PKDREJ: variants seen among roughly 807,000 people sequenced by gnomAD.
PKDREJ encodes the protein polycystin family receptor for egg jelly.
For synonymous variants in PKDREJ, 1,031 were observed against 1,095.5 expected, an observed-to-expected ratio of 0.94 and a Z score of 1.16; for missense variants, 2,507 against 2,807.2, an observed-to-expected ratio of 0.89 and a Z score of 2.42.
chr22:46,262,813 G>A lies in PKDREJ; in HGVS notation c.510C>T (p.Gly170=). ...CCACGAAGCCCTGCTGGGGCCGCGG[G>A]CCTGGCGCGGCGGAGCGCGGGGAGA... ...ARVSPRSAAP[G]PRPQQGFVAR... is the part of the protein sequence containing the mutation. Residue 170 remains glycine (G), a synonymous_variant, in exon 1 of 1, where the codon GGC becomes GGT. Coordinates refer to ENST00000253255, the MANE Select transcript of PKDREJ (RefSeq NM_006071.2). The surrounding 1 kb of genome is among the most constrained non-coding windows in gnomAD (Gnocchi z 8.1). 7.9e-7 allele frequency: 1 copy of A among 1,272,870 alleles called. No individual in the cohort carries two copies. 78.8% of individuals were successfully genotyped at this position (1,272,870 alleles called of 1,614,324 possible).
At position 46,256,173 on chromosome 22, in the gene PKDREJ, A is replaced by G. The variant is rs1249530253; in HGVS notation, c.*388T>C. On this transcript the variant is annotated 3_prime_UTR_variant, in exon 1 of 1. Transcript: ENST00000253255. This position sits in a 1 kb window ranked among gnomAD's most constrained non-coding sequence, Gnocchi z 5.3. ...CTTCCAGCATGGGTCAAGCGCAGAA[A>G]CACCCAGACAATGCTCCACCCTGGC... 5.6e-6 allele frequency: 1 copy of G among 179,894 alleles called. No individual in the cohort carries two copies. The highest frequency in any genetic ancestry group is 2.4e-5 in the African/African-American group (1 of 41,888). 11.1% of individuals were successfully genotyped at this position (179,894 alleles called of 1,614,324 possible).
In PKDREJ at chr22:46,261,606, C is replaced by T; in HGVS notation, c.1717G>A (p.Gly573Arg). 1 of 1,613,900 alleles carries T rather than the reference C, an allele frequency of 6.2e-7. No individual in the cohort carries two copies. Reference protein sequence around the residue: ...IGECKINPAKGIALITKFVVQ... With the variant: ...IGECKINPAKRIALITKFVVQ... ...ACAAATTTAGTAATAAGTGCAATTC[C>T]TTTAGCTGGATTAATTTTGCATTCT... Residue 573 changes from glycine (G) to arginine (R), a missense_variant, in exon 1 of 1, where the codon GGA becomes AGA. Transcript: ENST00000253255. The surrounding 1 kb of genome is among the most constrained non-coding windows in gnomAD (Gnocchi z 7.1).
chr22:46,257,545 A>G lies in PKDREJ; in HGVS notation c.5778T>C (p.Asn1926=). ...ATATGACCGAAATGCTACAGAACAG[A>G]TTTATATCTGGATTAAAAGTTGTTA... is the stretch of plus-strand genomic sequence containing the variant. ...LELTTFNPDI[N]LFCSISVIFE... The change falls in exon 1 of 1, where the codon AAT becomes AAC. Residue 1926 remains asparagine (N), a synonymous_variant. Coordinates refer to ENST00000253255, the MANE Select transcript of PKDREJ (RefSeq NM_006071.2). The surrounding 1 kb of genome is among the most constrained non-coding windows in gnomAD (Gnocchi z 4.7). 6.2e-7 allele frequency: 1 copy of G among 1,614,156 alleles called. No individual in the cohort carries two copies. Among genetic ancestry groups the G allele is most frequent in the Non-Finnish European group, 8.5e-7 (1 of 1,180,020 alleles).
At position 46,261,138 on chromosome 22, in the gene PKDREJ, C is replaced by T. The variant is rs1936691807; in HGVS notation, c.2185G>A (p.Asp729Asn). 6.2e-7 allele frequency: 1 copy of T among 1,613,650 alleles called. No individual in the cohort carries two copies. Among genetic ancestry groups the T allele is most frequent in the Admixed American group, 1.7e-5 (1 of 60,000 alleles). Residue 729 changes from aspartate to asparagine, a missense_variant, in exon 1 of 1, where the codon GAC (aspartate) becomes AAC (asparagine). Physicochemically the swap from Asp to Asn is conservative, Grantham distance 23. Coordinates refer to ENST00000253255, the MANE Select transcript of PKDREJ (RefSeq NM_006071.2). The surrounding 1 kb of genome is among the most constrained non-coding windows in gnomAD (Gnocchi z 7.1). The stretch of plus-strand genomic sequence containing the variant: ...AGGTGTTTTCGGAGATTGACTCTGT[C>T]ATCTCGGAGAGGTAATTCAGTTTTC... ...NMKTELPLRD[D>N]RVNLRKHLID... is the part of the protein sequence containing the mutation.
rs150481409 is a variant in PKDREJ, at chr22:46,257,142, T to A, written c.6181A>T (p.Thr2061Ser). Residue 2061 changes from threonine to serine, a missense_variant, in exon 1 of 1, where the codon ACA (threonine) becomes TCA (serine). Coordinates refer to ENST00000253255, the MANE Select transcript of PKDREJ (RefSeq NM_006071.2). The surrounding 1 kb of genome is among the most constrained non-coding windows in gnomAD (Gnocchi z 4.7). The part of the protein sequence containing the change: ...RIILGFLLFL[T>S]ILKTLRYSRF... ...GAATACCTGAGGGTCTTCAAAATTG[T>A]CAGAAATAACAGGAAACCCAAAATT... is the stretch of plus-strand genomic sequence containing the variant. 1.0e-4 allele frequency: 164 copies of A among 1,613,844 alleles called. No individual in the cohort carries two copies. The African/African-American group carries it at 1.9e-3, about 19-fold the overall frequency.
chr22:46,259,013 G>A lies in PKDREJ; in HGVS notation c.4310C>T (p.Thr1437Ile). ...MMIGIESVLI[T>I]IPVQLLITFL... ...AGTTATTAATAATTGCACAGGGATT[G>A]TAATTAAGACACTTTCAATTCCTAT... Residue 1437 changes from threonine to isoleucine, a missense_variant, in exon 1 of 1, where the codon ACA (threonine) becomes ATA (isoleucine). By Grantham distance (89) the Thr-to-Ile change is moderately conservative. Coordinates refer to ENST00000253255, the MANE Select transcript of PKDREJ (RefSeq NM_006071.2). This position sits in a 1 kb window ranked among gnomAD's most constrained non-coding sequence, Gnocchi z 6.8. 3.1e-6 allele frequency: 5 copies of A among 1,614,032 alleles called. No homozygotes were observed. Among genetic ancestry groups the A allele is most frequent in the Non-Finnish European group, 3.4e-6 (4 of 1,179,962 alleles).
In PKDREJ at chr22:46,257,498, A is replaced by T; in HGVS notation, c.5825T>A (p.Val1942Asp). The change falls in exon 1 of 1, where the codon GTT becomes GAT. Residue 1942 changes from valine to aspartate, a missense_variant. Physicochemically the swap from Val to Asp is radical, Grantham distance 152. Coordinates refer to ENST00000253255, the MANE Select transcript of PKDREJ (RefSeq NM_006071.2). This position sits in a 1 kb window ranked among gnomAD's most constrained non-coding sequence, Gnocchi z 4.7. ...SVIFEVSQLGVVNTSISLHSF... is the reference protein window; with the variant it reads ...SVIFEVSQLGDVNTSISLHSF... Reference sequence around the variant, plus strand: ...GTGCAGAGATATGCTTGTGTTGACAACTCCTAACTGAGAGACTTCAAATAT... The same window carrying T: ...GTGCAGAGATATGCTTGTGTTGACATCTCCTAACTGAGAGACTTCAAATAT... 1.9e-6 allele frequency: 3 copies of T among 1,614,086 alleles called. No individual in the cohort carries two copies. Among genetic ancestry groups the T allele is most frequent in the East Asian group, 2.2e-5 (1 of 44,884 alleles).
chr22:46,256,875 G>T lies in PKDREJ; in HGVS notation c.6448C>A (p.Leu2150Met). The change falls in exon 1 of 1, where the codon CTG becomes ATG. Residue 2150 changes from leucine to methionine, a missense_variant. By Grantham distance (15) the Leu-to-Met change is conservative. Coordinates refer to ENST00000253255, the MANE Select transcript of PKDREJ (RefSeq NM_006071.2). The surrounding 1 kb of genome is among the most constrained non-coding windows in gnomAD (Gnocchi z 5.3). ...EFSNNRILGV[L>M]FLSSFMLVMI... ...ACCAGCATGAAAGATGAGAGGAACA[G>T]GACCCCCAGAATCCTGTTATTGGAA... is the stretch of plus-strand genomic sequence containing the variant. 6.2e-7 allele frequency: 1 copy of T among 1,614,060 alleles called. No homozygotes were observed. Among genetic ancestry groups the T allele is most frequent in the Non-Finnish European group, 8.5e-7 (1 of 1,180,038 alleles).
In PKDREJ at chr22:46,256,531, C is replaced by G. The variant is rs745332649; in HGVS notation, c.*30G>C. 4 of 1,585,748 alleles carry G rather than the reference C, an allele frequency of 2.5e-6. No homozygotes were observed. The African/African-American group carries it at 5.4e-5, about 21-fold the overall frequency. On this transcript the variant is annotated 3_prime_UTR_variant, in exon 1 of 1. Coordinates refer to ENST00000253255, the MANE Select transcript of PKDREJ (RefSeq NM_006071.2). This position sits in a 1 kb window ranked among gnomAD's most constrained non-coding sequence, Gnocchi z 5.3. ...CACAGACTCAGCAGTTGGGGGAACGCTTGCTTGTGACTCATGAAACCATCA... is the reference window on the plus strand; with the variant it reads ...CACAGACTCAGCAGTTGGGGGAACGGTTGCTTGTGACTCATGAAACCATCA...
rs751313996 is a variant in PKDREJ, at chr22:46,258,526, T to G, written c.4797A>C (p.Gly1599=). 4.3e-6 allele frequency: 7 copies of G among 1,614,062 alleles called. No individual in the cohort carries two copies. The Admixed American group carries it at 1.2e-4, about 27-fold the overall frequency. The change falls in exon 1 of 1, where the codon GGA becomes GGC. Residue 1599 remains glycine, a synonymous_variant. Transcript: ENST00000253255. The surrounding 1 kb of genome is among the most constrained non-coding windows in gnomAD (Gnocchi z 6.1). ...TTGACTTGTCATAGCCGTAAGTCAG[T>G]CCATAAAATACAATGAAGAATGAGG... ...SISSFFIVFY[G]LTYGYDKSIE...
Position 46,262,586 on chromosome 22 carries a change from T to A in PKDREJ, c.737A>T (p.Gln246Leu). The change falls in exon 1 of 1, where the codon CAG becomes CTG. Residue 246 changes from glutamine to leucine, a missense_variant. Physicochemically the swap from Gln to Leu is moderately radical, Grantham distance 113. Transcript: ENST00000253255. The surrounding 1 kb of genome is among the most constrained non-coding windows in gnomAD (Gnocchi z 8.1). Reference protein sequence around the residue: ...QAEATINASVQLDCPAARAIA... With the variant: ...QAEATINASVLLDCPAARAIA... ...GGCGCGCGCGGCCGGGCAGTCCAGC[T>A]GCACCGAGGCGTTGATGGTGGCCTC... The A allele has an allele frequency of 6.2e-7, 1 of 1,611,012 alleles. No individual in the cohort carries two copies. Among genetic ancestry groups the A allele is most frequent in the Non-Finnish European group, 8.5e-7 (1 of 1,178,884 alleles).
At position 46,260,271 on chromosome 22, in the gene PKDREJ, G is replaced by GA. The variant is rs1936681338; in HGVS notation, c.3051dup (p.Gln1018SerfsTer16). ...GCGACCAGCGCTGTGGGAGTGATCT[G>GA]ACTGCCTGTGTACACCAACACTGTG... is the stretch of plus-strand genomic sequence containing the variant. On this transcript the variant is annotated frameshift_variant, in exon 1 of 1. Coordinates refer to ENST00000253255, the MANE Select transcript of PKDREJ (RefSeq NM_006071.2). LOFTEE classifies it low-confidence loss of function (END_TRUNC). This position sits in a 1 kb window ranked among gnomAD's most constrained non-coding sequence, Gnocchi z 4.5. 1 of 1,614,122 alleles carries GA rather than the reference G, an allele frequency of 6.2e-7. No individual in the cohort carries two copies. The highest frequency in any genetic ancestry group is 1.3e-5 in the African/African-American group (1 of 75,036).
In PKDREJ at chr22:46,257,822, G is replaced by A. The variant is rs770989149; in HGVS notation, c.5501C>T (p.Thr1834Ile). The change falls in exon 1 of 1, where the codon ACA becomes ATA. Residue 1834 changes from threonine to isoleucine, a missense_variant. By Grantham distance (89) the Thr-to-Ile change is moderately conservative. Coordinates refer to ENST00000253255, the MANE Select transcript of PKDREJ (RefSeq NM_006071.2). This position sits in a 1 kb window ranked among gnomAD's most constrained non-coding sequence, Gnocchi z 4.7. ...HPKYGIDPED[T>I]KNYSGFWNEV... The stretch of plus-strand genomic sequence containing the variant: ...ATTCCAAAAGCCAGAATAGTTTTTT[G>A]TGTCTTCTGGGTCAATGCCATATTT... 1.2e-6 allele frequency: 2 copies of A among 1,614,066 alleles called. No individual in the cohort carries two copies. The highest frequency in any genetic ancestry group is 2.2e-5 in the East Asian group (1 of 44,886).
rs745909178 is a variant in PKDREJ at position 46,257,951 on chromosome 22, A to C, written c.5372T>G (p.Leu1791Arg). 6 of 1,614,136 alleles carry C rather than the reference A, an allele frequency of 3.7e-6. No individual in the cohort carries two copies. The South Asian group carries it at 5.5e-5, about 15-fold the overall frequency. ...LPESSSKILG[L>R]PLMRQVRAKS... ...TGCTCTCACTTGCCTCATCAATGGA[A>C]GGCCAAGGATTTTAGACGAGCTTTC... The change falls in exon 1 of 1, where the codon CTT (leucine) becomes CGT (arginine). Residue 1791 changes from leucine (L) to arginine (R), a missense_variant. Transcript: ENST00000253255. This position sits in a 1 kb window ranked among gnomAD's most constrained non-coding sequence, Gnocchi z 4.7.
chr22:46,260,280 T>G lies in PKDREJ; in HGVS notation c.3043A>C (p.Thr1015Pro), dbSNP rs781072147. The change falls in exon 1 of 1, where the codon ACA (threonine) becomes CCA (proline). Residue 1015 changes from threonine (T) to proline (P), a missense_variant. Physicochemically the swap from Thr to Pro is conservative, Grantham distance 38. Transcript: ENST00000253255. The surrounding 1 kb of genome is among the most constrained non-coding windows in gnomAD (Gnocchi z 4.5). ...GCTGTGGGAGTGATCTGACTGCCTG[T>G]GTACACCAACACTGTGAACAGCACC... ...VMVLFTVLVYTGSQITPTALV... is the reference protein window; with the variant it reads ...VMVLFTVLVYPGSQITPTALV... 2.5e-6 allele frequency: 4 copies of G among 1,614,204 alleles called. No homozygotes were observed. Among genetic ancestry groups the G allele is most frequent in the Non-Finnish European group, 3.4e-6 (4 of 1,180,034 alleles).
chr22:46,257,907 A>C lies in PKDREJ; in HGVS notation c.5416T>G (p.Cys1806Gly). ...TGCACAAACTTTTCGGCAGGTAGAC[A>C]CATTTTTTCACTAGATTTTGCTCTC... ...QVRAKSSEKM[C>G]LPAEKFVQNS... The change falls in exon 1 of 1, where the codon TGT becomes GGT. Residue 1806 changes from cysteine to glycine, a missense_variant. By Grantham distance (159) the Cys-to-Gly change is radical (BLOSUM62 -3). Coordinates refer to ENST00000253255, the MANE Select transcript of PKDREJ (RefSeq NM_006071.2). This position sits in a 1 kb window ranked among gnomAD's most constrained non-coding sequence, Gnocchi z 4.7. 1 of 1,614,152 alleles carries C rather than the reference A, an allele frequency of 6.2e-7. No individual in the cohort carries two copies. The highest frequency in any genetic ancestry group is 8.5e-7 in the Non-Finnish European group (1 of 1,180,028).
At position 46,262,819 on chromosome 22, in the gene PKDREJ, C is replaced by G. The variant is rs1403690575; in HGVS notation, c.504G>C (p.Ala168=). The change falls in exon 1 of 1, where the codon GCG becomes GCC. Residue 168 remains alanine (A), a synonymous_variant. Coordinates refer to ENST00000253255, the MANE Select transcript of PKDREJ (RefSeq NM_006071.2). The surrounding 1 kb of genome is among the most constrained non-coding windows in gnomAD (Gnocchi z 8.1). ...PAARVSPRSA[A]PGPRPQQGFV... ...AGCCCTGCTGGGGCCGCGGGCCTGG[C>G]GCGGCGGAGCGCGGGGAGACGCGGG... 4 of 1,251,462 alleles carry G rather than the reference C, an allele frequency of 3.2e-6. No homozygotes were observed. Among genetic ancestry groups the G allele is most frequent in the Non-Finnish European group, 4.0e-6 (4 of 991,858 alleles). 77.5% of individuals were successfully genotyped at this position (1,251,462 alleles called of 1,614,324 possible). A position where few individuals can be genotyped will look rare whatever the true frequency, so the allele number is the denominator to read the frequency against.
Position 46,260,768 on chromosome 22 carries a change from GT to G in PKDREJ, c.2554del (p.Thr852ProfsTer3). ...GTTGAAATTGGGGGTTCTCATTGAG[GT>G]GGTTTTGTTCCCTGGCACTTTATTA... is the stretch of plus-strand genomic sequence containing the variant. ...LANKVPGNKT[T>X]SMRTPNFNMY... is the part of the protein sequence containing the mutation. On this transcript the variant is annotated frameshift_variant, in exon 1 of 1. Coordinates refer to ENST00000253255, the MANE Select transcript of PKDREJ (RefSeq NM_006071.2). LOFTEE classifies it low-confidence loss of function (END_TRUNC). This position sits in a 1 kb window ranked among gnomAD's most constrained non-coding sequence, Gnocchi z 4.5. The G allele has an allele frequency of 6.2e-7, 1 of 1,614,094 alleles. No homozygotes were observed. Among genetic ancestry groups the G allele is most frequent in the Non-Finnish European group, 8.5e-7 (1 of 1,179,952 alleles).
In PKDREJ at chr22:46,259,895, T is replaced by A; in HGVS notation, c.3428A>T (p.Gln1143Leu). 1.2e-6 allele frequency: 2 copies of A among 1,613,754 alleles called. No individual in the cohort carries two copies. Among genetic ancestry groups the A allele is most frequent in the Non-Finnish European group, 1.7e-6 (2 of 1,180,028 alleles). The change falls in exon 1 of 1, where the codon CAG becomes CTG. Residue 1143 changes from glutamine (Q) to leucine (L), a missense_variant. Physicochemically the swap from Gln to Leu is moderately radical, Grantham distance 113. Coordinates refer to ENST00000253255, the MANE Select transcript of PKDREJ (RefSeq NM_006071.2). The surrounding 1 kb of genome is among the most constrained non-coding windows in gnomAD (Gnocchi z 6.8). ...GCCCGTGAGTCCGATTGTGCCCAGC[T>A]GCCGCCTAGCCCTTACTACATTCTT... is the stretch of plus-strand genomic sequence containing the variant. ...ICKNVVRARR[Q>L]LGTIGLTGIH...
Sources: gnomAD v4.1 joint callset for allele counts on GRCh38, gnomAD v4.1.1 for gene constraint, Gnocchi (gnomAD v3.1) non-coding constraint, MANE v1.5 for transcripts, NCBI Gene and HGNC (gene_info 2026-07-23, HGNC 2026-07-21) for gene names.